P2RX5: variants seen among roughly 807,000 people sequenced by gnomAD.
P2RX5 encodes the protein purinergic receptor P2X 5, also known as P2X purinoceptor 5.
A neutral mutation model predicts 54.1 loss-of-function variants in P2RX5; 46 were observed. The observed-to-expected ratio is 0.85, with a 90% CI of 0.67 to 1.09. The LOEUF is 1.09. Ranked by LOEUF, P2RX5 falls within the 50% of genes least tolerant of loss-of-function variation. The pLI is 0.00. For missense variants in P2RX5, 566 were observed against 549.8 expected (o/e 1.03, Z -0.29); for synonymous variants, 226 against 226.4 (o/e 1.00, Z 0.02).
intron 11 of P2RX5, 69 bp downstream of exon 11, chr17:3,679,521 G>A: frequency 6.9e-7 from 1 of 1,441,802 alleles, no homozygotes; most frequent in Non-Finnish European, 9.6e-7. Context: ...CCAGGCATGA[G>A]AAGCCCCAAC....
At chr17:3,703,515 G>C in the P2RX5 span, among the ~76,000 whole-genome samples, 2 of 151,878 alleles carry the variant, frequency 1.3e-5, no homozygotes, top group African/African-American at 4.8e-5. Context: ...GTGACACAGA[G>C]GGATACTTTA....
chr17:3,681,992 G>A lies in P2RX5; in HGVS notation c.982-14C>T. The A allele has an allele frequency of 6.3e-7, 1 of 1,588,380 alleles. No homozygotes were observed. The highest frequency in any genetic ancestry group is 8.6e-7 in the Non-Finnish European group (1 of 1,156,920). On this transcript the variant is annotated splice_polypyrimidine_tract_variant and intron_variant, in intron 9 of 11. Transcript: ENST00000225328. ...GAAGAAAGCACCCTGCAAAACAGGG[G>A]TTCCTGATTCAGAATCCTAGACCTC... is the stretch of plus-strand genomic sequence containing the variant.
chr17:3,684,771 T>A (rs954874315), intron 9 of P2RX5, among the ~76,000 whole-genome samples: 3 of 151,618 alleles, frequency 2.0e-5, no homozygotes, highest in Non-Finnish European at 4.4e-5. Flanking sequence ...CAACACAGAA[T>A]TCTCCCACCC....
chr17:3,675,451 C>T, intron 11 of P2RX5: 2 of 985,396 alleles, frequency 2.0e-6, no homozygotes, highest in African/African-American at 1.7e-5. Context: ...TGACCCCTGC[C>T]TTTTTTGCTT....
chr17:3,721,062 G>A, the P2RX5 span, among the ~76,000 whole-genome samples: 5 of 151,682 alleles, frequency 3.3e-5, no homozygotes, highest in Admixed American at 6.6e-5. Flanking sequence ...CTGAGTAGCT[G>A]AGACCACAGG....
the P2RX5 span, chr17:3,723,729 T>G: frequency 6.2e-7 from 1 of 1,606,482 alleles, no homozygotes; most frequent in South Asian, 1.1e-5. Context: ...TGACTCCAGG[T>G]GCACACCGTG....
intron 11 of P2RX5, chr17:3,675,931 C>A: frequency 1.0e-6 from 1 of 985,382 alleles, no homozygotes; most frequent in Non-Finnish European, 1.2e-6. Flanking sequence ...GAGGAAGTTG[C>A]TTTGCTCTAG....
chr17:3,695,754 G>C, intron 1 of P2RX5, 115 bp downstream of exon 1: 3 of 1,319,854 alleles, frequency 2.3e-6, no homozygotes, highest in Admixed American at 1.7e-5. Flanking sequence ...CAGACCCCCA[G>C]CTACCGGGAA....
chr17:3,679,526 C>T, intron 11 of P2RX5, 64 bp downstream of exon 11: 6 of 1,496,622 alleles, frequency 4.0e-6, no homozygotes, highest in Non-Finnish European at 5.5e-6. Context: ...CATGAGAAGC[C>T]CCAACTGGGG....
At chr17:3,684,957 T>C (rs561386336) in intron 9 of P2RX5, among the ~76,000 whole-genome samples, 14 of 150,576 alleles carry the variant, frequency 9.3e-5, no homozygotes, top group Non-Finnish European at 1.5e-5. Flanking sequence ...GCGATTCTCC[T>C]GCCTCAGCCT....
chr17:3,706,909 T>G, the P2RX5 span, among the ~76,000 whole-genome samples: 1 of 152,182 alleles, frequency 6.6e-6, no homozygotes, highest in Non-Finnish European at 1.5e-5. Flanking sequence ...TGCGCCCACC[T>G]ATAATCTTGA....
intron 9 of P2RX5, among the ~76,000 whole-genome samples, chr17:3,684,949 G>C (rs867873777): frequency 2.7e-5 from 4 of 146,740 alleles, no homozygotes; most frequent in African/African-American, 1.0e-4. Context: ...GGGTTCAAGC[G>C]ATTCTCCTGC....
chr17:3,691,080 C>CT, intron 2 of P2RX5, 53 bp from the exon 3 acceptor site: 1 of 1,335,402 alleles, frequency 7.5e-7, no homozygotes, highest in Non-Finnish European at 1.1e-6. Context: ...TAGGGACCAC[C>CT]CCACCTTTCC....
chr17:3,679,595 G>T lies in P2RX5; in HGVS notation c.1254C>A (p.Pro418=). The change falls in exon 11 of 12, where the codon CCC becomes CCA. Residue 418 remains proline, a synonymous_variant. Coordinates refer to ENST00000225328, the MANE Select transcript of P2RX5 (RefSeq NM_002561.4). ...CTGCCTAGCAGTGGCCTCACCTGTG[G>T]GGCTCCAGGAGCTGTGGGCACACAG... ...NGSVCPQLLE[P]HRST is the part of the protein sequence containing the mutation. The T allele has an allele frequency of 6.2e-7, 1 of 1,606,864 alleles. No individual in the cohort carries two copies. Among genetic ancestry groups the T allele is most frequent in the Non-Finnish European group, 8.5e-7 (1 of 1,179,764 alleles).
intron 5 of P2RX5, 72 bp from the exon 6 acceptor site, chr17:3,690,222 G>A: frequency 1.4e-6 from 2 of 1,414,374 alleles, no homozygotes; most frequent in Non-Finnish European, 2.0e-6. Context: ...CTGGGCCAGT[G>A]TGAGGCCTGT....
chr17:3,683,374 C>T (rs768740979), intron 9 of P2RX5, among the ~76,000 whole-genome samples: 4 of 152,234 alleles, frequency 2.6e-5, no homozygotes, highest in South Asian at 2.1e-4. Context: ...CCTCTTCCTG[C>T]GCCATTACTT....
chr17:3,695,847 CA>C, intron 1 of P2RX5, 21 bp downstream of exon 1: 1 of 1,612,192 alleles, frequency 6.2e-7, no homozygotes, highest in East Asian at 2.2e-5. Flanking sequence ...CCCGCCTTCC[CA>C]AAAGTCCGCG....
At chr17:3,699,786 CAG>C (rs1401402358), upstream of P2RX5, among the ~76,000 whole-genome samples, 4 of 146,036 alleles carry the variant, frequency 2.7e-5, no homozygotes, top group African/African-American at 1.0e-4. Flanking sequence ...GCCTGGGTGA[CAG>C]AGTGATACTC....
rs1567738482 is a variant in P2RX5 at position 3,691,009 on chromosome 17, C to T, written c.307G>A (p.Val103Met). ...GGGGTCACAATCAGGTTGGTGACCA[C>T]AAAAAAGACGTTCTCTCCCTAAGGA... Reference protein sequence around the residue: ...IPAQGENVFFVVTNLIVTPNQ... With the variant: ...IPAQGENVFFMVTNLIVTPNQ... The change falls in exon 3 of 12, where the codon GTG (valine) becomes ATG (methionine). Residue 103 changes from valine to methionine, a missense_variant. Physicochemically the swap from Val to Met is conservative, Grantham distance 21. Transcript: ENST00000225328. 1.2e-6 allele frequency: 2 copies of T among 1,612,230 alleles called. No individual in the cohort carries two copies. Among genetic ancestry groups the T allele is most frequent in the Admixed American group, 1.7e-5 (1 of 59,884 alleles).
Sources: allele counts gnomAD v4.1 joint callset (sites outside exome capture counted in the v4.1 genomes callset), GRCh38; gene constraint gnomAD v4.1.1; transcripts MANE v1.5; gene names NCBI Gene and HGNC (gene_info 2026-07-23, HGNC 2026-07-21).